Variants in RGS12 observed in about 807,000 individuals in gnomAD.
RGS12 encodes regulator of G-protein signaling 12.
RGS12 carries 66 observed loss-of-function variants against 120.1 expected under a neutral mutation model. That is an observed-to-expected ratio of 0.55 (90% CI 0.45 to 0.67). The LOEUF (loss-of-function observed/expected upper bound fraction) is 0.67. RGS12 is among the 30% of genes least tolerant of loss of function. RGS12 has a pLI of 0.00. For missense variants in RGS12, 1,859 were observed against 1,957.7 expected (o/e 0.95, Z 0.95); for synonymous variants, 827 against 804.7 (o/e 1.03, Z -0.47).
intron 4 of RGS12, among the ~76,000 whole-genome samples, chr4:3,392,699 A>G (rs1304783092): frequency 6.6e-6 from 1 of 152,136 alleles, no homozygotes; most frequent in African/African-American, 2.4e-5. Context: ...TAAAACCCCA[A>G]AAATGTTGGC....
At chr4:3,320,549 C>T (rs1378506740) in intron 2 of RGS12, among the ~76,000 whole-genome samples, 3 of 152,254 alleles carry the variant, frequency 2.0e-5, no homozygotes, top group African/African-American at 7.2e-5. Context: ...GGGACCAAGA[C>T]AGCCCTGGCG....
chr4:3,395,420 G>A (rs997166932), intron 4 of RGS12, among the ~76,000 whole-genome samples: 8 of 152,280 alleles, frequency 5.3e-5, no homozygotes, highest in African/African-American at 9.6e-5. Context: ...TACAGATGGT[G>A]CCATATAACA....
chr4:3,414,433 T>G, intron 5 of RGS12, 192 bp downstream of exon 5: 1 of 667,366 alleles, frequency 1.5e-6, no homozygotes, highest in Non-Finnish European at 2.5e-6. Context: ...CTGCCCCTGG[T>G]TCTGCCCCCA....
chr4:3,439,827 C>G lies in RGS12; in HGVS notation c.*143C>G, dbSNP rs1725172514. ...GGGCAGGGGGTGACCTCGCTGGAGG[C>G]ACTGGCCCCGGACATTCGCCATGCT... is the stretch of plus-strand genomic sequence containing the variant. On this transcript the variant is annotated 3_prime_UTR_variant, in exon 18 of 18. Coordinates refer to ENST00000336727, the MANE Select transcript of RGS12 (RefSeq NM_001394154.1). 1.3e-6 allele frequency: 1 copy of G among 747,530 alleles called. No individual in the cohort carries two copies. Among genetic ancestry groups the G allele is most frequent in the African/African-American group, 1.8e-5 (1 of 55,282 alleles). 46.3% of individuals were successfully genotyped at this position (747,530 alleles called of 1,614,324 possible). A position where few individuals can be genotyped will look rare whatever the true frequency, so the allele number is the denominator to read the frequency against.
In RGS12 at chr4:3,299,817, C is replaced by T. The variant is rs375933319; in HGVS notation, c.-102+6718C>T. Among the ~76,000 whole-genome samples the T allele has an allele frequency of 4.8e-4, 73 of 152,286 alleles. 1 individual carries two copies. The East Asian group carries it at 0.013, about 27-fold the overall frequency. On this transcript the variant is annotated intron_variant, in intron 1 of 17. Coordinates refer to ENST00000336727, the MANE Select transcript of RGS12 (RefSeq NM_001394154.1). ...CGTCCTTTATTGCCTTCCTCTGATG[C>T]GAGCACCATAAGGATAGGGCCTATG...
At chr4:3,400,221 A>G (rs1720439623) in intron 4 of RGS12, among the ~76,000 whole-genome samples, 1 of 152,262 alleles carries the variant, frequency 6.6e-6, no homozygotes, top group Non-Finnish European at 1.5e-5. Flanking sequence ...AGTTTCACTT[A>G]TGAGTAAATA....
At position 3,350,758 on chromosome 4, in the gene RGS12, A is replaced by G. The variant is rs1578793441; in HGVS notation, c.1998+7705A>G. ...CTAAAAAGCATTTGGGTTAATTACT[A>G]TATATTTTACATGAGTGCTTGTTTA... On this transcript the variant is annotated intron_variant, in intron 3 of 17. Coordinates refer to ENST00000336727, the MANE Select transcript of RGS12 (RefSeq NM_001394154.1). Among the ~76,000 whole-genome samples the G allele has an allele frequency of 2.6e-5, 4 of 152,324 alleles. No homozygotes were observed. The South Asian group carries it at 8.3e-4, about 32-fold the overall frequency.
Position 3,317,026 on chromosome 4 carries a change from G to C in RGS12, c.856G>C (p.Asp286His). ...GCACGACTGTGTGCAGCTGAGCACT[G>C]ACAAGGCTGGAGTCGTGGCCGAGTA... ...IMHDCVQLST[D>H]KAGVVAEYPA... Residue 286 changes from aspartate to histidine, a missense_variant, in exon 2 of 18, where the codon GAC becomes CAC. Transcript: ENST00000336727. 2.5e-6 allele frequency: 4 copies of C among 1,613,722 alleles called. No homozygotes were observed. In the South Asian group the frequency reaches 3.3e-5, roughly 13 times the overall value.
intron 1 of RGS12, among the ~76,000 whole-genome samples, chr4:3,311,637 A>G (rs1454086918): frequency 1.3e-5 from 2 of 152,100 alleles, no homozygotes; most frequent in Admixed American, 1.3e-4. Flanking sequence ...GTGTACACAA[A>G]CCTTGTTTCA....
rs770515956 is a variant in RGS12, at chr4:3,316,901, G to A, written c.731G>A (p.Ser244Asn). 6.2e-7 allele frequency: 1 copy of A among 1,614,016 alleles called. No homozygotes were observed. Among genetic ancestry groups the A allele is most frequent in the South Asian group, 1.1e-5 (1 of 91,090 alleles). Residue 244 changes from serine to asparagine, a missense_variant, in exon 2 of 18, where the codon AGC becomes AAC. Physicochemically the swap from Ser to Asn is conservative, Grantham distance 46 (BLOSUM62 1). Transcript: ENST00000336727. ...GGCTCCATTGAGCTTCCTTCCACGA[G>A]CTCCAACCTGGAGTCCGACAGCTTG... ...YLGSIELPST[S>N]SNLESDSLQA...
intron 3 of RGS12, among the ~76,000 whole-genome samples, chr4:3,371,470 T>G (rs540041069): frequency 2.0e-5 from 3 of 152,320 alleles, no homozygotes; most frequent in Non-Finnish European, 2.9e-5. Flanking sequence ...GAAAATTTTG[T>G]TTTTTTATTC....
intron 3 of RGS12, among the ~76,000 whole-genome samples, chr4:3,362,505 C>T (rs557846291): frequency 8.8e-5 from 7 of 79,268 alleles, no homozygotes; most frequent in South Asian, 9.7e-4. Context: ...TGTGAGGGTG[C>T]GAGGATCAGT....
chr4:3,299,661 T>G (rs3129310), intron 1 of RGS12, among the ~76,000 whole-genome samples: 102,188 of 152,070 alleles, frequency 0.67, 35,358 homozygotes, highest in African/African-American at 0.83. Context: ...ATCAGGGAGC[T>G]AGCACTCCAG....
At chr4:3,343,751 TTTACCCTGCACC>T (rs1713502181) in intron 3 of RGS12, among the ~76,000 whole-genome samples, 1 of 151,946 alleles carries the variant, frequency 6.6e-6, no homozygotes, top group Non-Finnish European at 1.5e-5. Flanking sequence ...GCCCCACCTG[TTTACCCTGCACC>T]CTCCCGTTGA....
rs1019155501 is a variant in RGS12 at position 3,321,014 on chromosome 4, G to A, written c.1881+2963G>A. ...CATGGTGTCAGGCAGCGAGCTTCACGTGACTCCGGATTCTTAGTGACGGGG... is the reference window on the plus strand; with the variant it reads ...CATGGTGTCAGGCAGCGAGCTTCACATGACTCCGGATTCTTAGTGACGGGG... On this transcript the variant is annotated intron_variant, in intron 2 of 17. Transcript: ENST00000336727. Among the ~76,000 whole-genome samples, 49 of 152,298 alleles carry A rather than the reference G, an allele frequency of 3.2e-4. No homozygotes were observed. In the Middle Eastern group the frequency reaches 0.017, roughly 53 times the overall value.
chr4:3,341,169 T>C, intron 2 of RGS12, among the ~76,000 whole-genome samples: 1 of 113,778 alleles, frequency 8.8e-6, no homozygotes, highest in Admixed American at 9.6e-5. Flanking sequence ...TTAGGGGCTG[T>C]GGGCGGAGGG....
Position 3,372,579 on chromosome 4 carries a change from C to G in RGS12, c.1999-13837C>G, listed in dbSNP as rs533521623. On this transcript the variant is annotated intron_variant, in intron 3 of 17. Transcript: ENST00000336727. The surrounding 1 kb of genome is among the most constrained non-coding windows in gnomAD (Gnocchi z 4.3). ...TCGGGTGCATCCACGCTGGCCCCCC[C>G]AGGTGTGCCCTGTGTGGCCGGCATG... Among the ~76,000 whole-genome samples, 5 of 152,256 alleles carry G rather than the reference C, an allele frequency of 3.3e-5. No homozygotes were observed. Among genetic ancestry groups the G allele is most frequent in the South Asian group, 4.1e-4 (2 of 4,834 alleles).
chr4:3,430,595 G>C lies in RGS12; in HGVS notation c.3754G>C (p.Glu1252Gln). The change falls in exon 17 of 18, where the codon GAG becomes CAG. Residue 1252 changes from glutamate to glutamine, a missense_variant. By Grantham distance (29) the Glu-to-Gln change is conservative. Around this residue, in one of 3 missense-constraint regions of RGS12, gnomAD observed 517 missense variants for 488.5 expected, o/e 1.06. Transcript: ENST00000336727. ...SKRSATGNGRESASQPGEQWE... is the reference protein window; with the variant it reads ...SKRSATGNGRQSASQPGEQWE... The stretch of plus-strand genomic sequence containing the variant: ...GAGAAGCGCCACAGGCAACGGCCGG[G>C]AGAGCGCCTCCCAGCCTGGCGAGCA... The C allele has an allele frequency of 6.2e-7, 1 of 1,612,314 alleles. No homozygotes were observed. Among genetic ancestry groups the C allele is most frequent in the Non-Finnish European group, 8.5e-7 (1 of 1,179,724 alleles).
chr4:3,430,940 G>A lies in RGS12; in HGVS notation c.4099G>A (p.Gly1367Arg), dbSNP rs755077105. Residue 1367 changes from glycine to arginine, a missense_variant, in exon 17 of 18, where the codon GGA becomes AGA. This residue lies in a region of RGS12 where 517 missense variants were observed against 488.5 expected (regional missense o/e 1.06). Transcript: ENST00000336727. ...PPPSTPQEVP[G>R]PSRPGSGTHG... ...GCCCTCCACCCCCCAGGAAGTGCCA[G>A]GACCTTCCAGACCAGGTACCTCCAG... The A allele has an allele frequency of 2.0e-5, 32 of 1,612,592 alleles. No homozygotes were observed. Among genetic ancestry groups the A allele is most frequent in the Non-Finnish European group, 2.7e-5 (32 of 1,179,976 alleles).
Sources: gnomAD v4.1 joint callset for allele counts (sites outside exome capture counted in the v4.1 genomes callset) on GRCh38, gnomAD v4.1.1 for gene constraint, gnomAD v4.1.1 regional missense constraint, Gnocchi (gnomAD v3.1) non-coding constraint, MANE v1.5 for transcripts, NCBI Gene and HGNC (gene_info 2026-07-23, HGNC 2026-07-21) for gene names.